KIF6: variants seen among roughly 807,000 people sequenced by gnomAD.
The protein encoded by KIF6 is kinesin-like protein KIF6.
KIF6 carries 106 observed loss-of-function variants against 112.7 expected under a neutral mutation model. That is an observed-to-expected ratio of 0.94 (90% CI 0.80 to 1.11). The LOEUF (loss-of-function observed/expected upper bound fraction) is 1.11. Ranked by LOEUF, KIF6 falls within the 50% of genes least tolerant of loss-of-function variation. The probability of loss-of-function intolerance (pLI) is 0.00; values close to 1 mark genes in which losing one functional copy is unlikely to be tolerated. For synonymous variants in KIF6, 339 were observed against 339.9 expected, an observed-to-expected ratio of 1.00 and a Z score of 0.03; for missense variants, 929 against 964.0, an observed-to-expected ratio of 0.96 and a Z score of 0.48.
chr6:39,522,103 C>T (rs1243215956), intron 13 of KIF6, among the ~76,000 whole-genome samples: 4 of 152,136 alleles, frequency 2.6e-5, no homozygotes, highest in Admixed American at 2.6e-4. Flanking sequence ...CAGCCTTTTC[C>T]CTTCACTGAC....
chr6:39,617,364 A>G (rs556248466), intron 5 of KIF6, among the ~76,000 whole-genome samples: 1 of 152,302 alleles, frequency 6.6e-6, no homozygotes, highest in Non-Finnish European at 1.5e-5. Flanking sequence ...AATGGAAGCT[A>G]TCAATGAAAG....
intron 13 of KIF6, among the ~76,000 whole-genome samples, chr6:39,447,236 A>G (rs776798149): frequency 3.3e-5 from 5 of 152,170 alleles, no homozygotes; most frequent in Non-Finnish European, 5.9e-5. Context: ...ATGTGACAGG[A>G]CAGGGGCTTT....
chr6:39,574,997 TA>T (rs34777110), intron 10 of KIF6, among the ~76,000 whole-genome samples: 3 of 152,318 alleles, frequency 2.0e-5, no homozygotes, highest in African/African-American at 7.2e-5. Context: ...TTTTGCTTCA[TA>T]AAAGTCAACT....
intron 13 of KIF6, among the ~76,000 whole-genome samples, chr6:39,518,468 C>T (rs1777195312): frequency 1.3e-5 from 2 of 152,154 alleles, no homozygotes; most frequent in Admixed American, 6.5e-5. Context: ...TTGTAAAATA[C>T]TGTGGTGACA....
At chr6:39,552,527 C>A (rs572638571) in intron 10 of KIF6, among the ~76,000 whole-genome samples, 6 of 152,248 alleles carry the variant, frequency 3.9e-5, no homozygotes, top group Non-Finnish European at 7.4e-5. Flanking sequence ...GAAAACAATT[C>A]TTTTGACTCA....
intron 16 of KIF6, among the ~76,000 whole-genome samples, chr6:39,370,443 T>C (rs752401478): frequency 6.6e-6 from 1 of 152,184 alleles, no homozygotes; most frequent in Non-Finnish European, 1.5e-5. Context: ...CATCAAGCTG[T>C]CTCCCTCTTC....
intron 6 of KIF6, among the ~76,000 whole-genome samples, chr6:39,611,429 G>A (rs1186132707): frequency 6.6e-6 from 1 of 152,212 alleles, no homozygotes; most frequent in Non-Finnish European, 1.5e-5. Context: ...CTGAAACCAT[G>A]TAGTTAAAGT....
chr6:39,538,323 A>C (rs1778565271), intron 13 of KIF6, among the ~76,000 whole-genome samples: 1 of 151,934 alleles, frequency 6.6e-6, no homozygotes, highest in Non-Finnish European at 1.5e-5. Flanking sequence ...CTCATCTGAC[A>C]GAGGGCTAAT....
chr6:39,373,140 T>C (rs1186403060), intron 16 of KIF6, among the ~76,000 whole-genome samples: 1 of 152,218 alleles, frequency 6.6e-6, no homozygotes, highest in Non-Finnish European at 1.5e-5. Context: ...TTGTCTTCTA[T>C]ATGTTTGGTC....
At chr6:39,376,963 C>T (rs556850215) in intron 16 of KIF6, among the ~76,000 whole-genome samples, 1 of 152,372 alleles carries the variant, frequency 6.6e-6, no homozygotes, top group Admixed American at 6.5e-5. Flanking sequence ...GCTGTCCTCA[C>T]CCTTGCCTCG....
chr6:39,344,964 A>G (rs58453908), intron 21 of KIF6, among the ~76,000 whole-genome samples: 20,481 of 152,232 alleles, frequency 0.13, 1,489 homozygotes, highest in Middle Eastern at 0.27. Context: ...GAATCTCCTT[A>G]GAAAGGGAGG....
At chr6:39,474,840 G>T (rs1774328622) in intron 13 of KIF6, among the ~76,000 whole-genome samples, 1 of 152,242 alleles carries the variant, frequency 6.6e-6, no homozygotes, top group South Asian at 2.1e-4. Context: ...GAACTGCCTT[G>T]CAGTGGGCCT....
intron 13 of KIF6, among the ~76,000 whole-genome samples, chr6:39,522,963 T>C (rs1777480162): frequency 6.6e-6 from 1 of 152,186 alleles, no homozygotes; most frequent in Non-Finnish European, 1.5e-5. Context: ...CAACAGTCAA[T>C]TATACATTCA....
intron 15 of KIF6, among the ~76,000 whole-genome samples, chr6:39,412,462 C>T (rs1233554936): frequency 6.6e-6 from 1 of 152,200 alleles, no homozygotes; most frequent in Non-Finnish European, 1.5e-5. Flanking sequence ...TCAAAATGTT[C>T]TTTCACGTGA....
chr6:39,614,044 T>C (rs1418302167), intron 5 of KIF6, among the ~76,000 whole-genome samples: 1 of 152,174 alleles, frequency 6.6e-6, no homozygotes, highest in East Asian at 1.9e-4. Context: ...GCCAACACCG[T>C]TTCCTCCCAG....
chr6:39,492,479 C>G (rs13201598), intron 13 of KIF6, among the ~76,000 whole-genome samples: 2 of 152,094 alleles, frequency 1.3e-5, no homozygotes, highest in African/African-American at 4.8e-5. Context: ...TCACTTCTTA[C>G]GGAACACAAG....
At chr6:39,559,993 T>G (rs1779928128) in intron 10 of KIF6, among the ~76,000 whole-genome samples, 1 of 152,218 alleles carries the variant, frequency 6.6e-6, no homozygotes, top group Non-Finnish European at 1.5e-5. Flanking sequence ...AAAACATTAT[T>G]TGTTATTTAC....
intron 14 of KIF6, among the ~76,000 whole-genome samples, chr6:39,429,534 G>A (rs1313796424): frequency 1.3e-5 from 2 of 152,012 alleles, no homozygotes; most frequent in East Asian, 1.9e-4. Flanking sequence ...AGCTTATTCT[G>A]TGGCCTATAA....
intron 6 of KIF6, among the ~76,000 whole-genome samples, chr6:39,608,194 C>A (rs1485192652): frequency 6.6e-6 from 1 of 152,164 alleles, no homozygotes; most frequent in Non-Finnish European, 1.5e-5. Flanking sequence ...AGCACATCAG[C>A]ATAACTCAGA....
Sources: allele counts gnomAD v4.1 joint callset (sites outside exome capture counted in the v4.1 genomes callset), GRCh38; gene constraint gnomAD v4.1.1; transcripts MANE v1.5; gene names NCBI Gene and HGNC (gene_info 2026-07-23, HGNC 2026-07-21).